S100Z: variants seen among roughly 807,000 people sequenced by gnomAD.
S100Z encodes the protein protein S100-Z.
In S100Z, 11 loss-of-function variants were observed where a neutral mutation model predicts 8.5. The observed-to-expected ratio is 1.30, with a 90% CI of 0.82 to 2.15. The LOEUF (loss-of-function observed/expected upper bound fraction) is 2.15, where lower values mean the gene tolerates loss of function less well. Among genes scored for constraint, S100Z ranks in the 30% most tolerant of loss-of-function variants. S100Z has a pLI of 0.00. For missense variants in S100Z, 126 were observed against 117.9 expected (o/e 1.07, Z -0.32); for synonymous variants, 34 against 43.8 (o/e 0.78, Z 0.89).
At chr5:76,939,715 G>T in the S100Z span, among the ~76,000 whole-genome samples, 1 of 151,146 alleles carries the variant, frequency 6.6e-6, no homozygotes. Flanking sequence ...GTTACACAAT[G>T]TTGGCTAGGC....
intron 4 of S100Z, among the ~76,000 whole-genome samples, chr5:76,882,366 C>T (rs532722643): frequency 1.3e-4 from 20 of 152,172 alleles, no homozygotes; most frequent in Non-Finnish European, 2.6e-4. Flanking sequence ...CACAGCCCTG[C>T]ACTTTGGCTG....
At chr5:76,947,084 G>A in the S100Z span, among the ~76,000 whole-genome samples, 1 of 152,212 alleles carries the variant, frequency 6.6e-6, no homozygotes, top group South Asian at 2.1e-4. Context: ...GTAAAACTTA[G>A]AATTGTTGGT....
At chr5:76,938,215 A>C in the S100Z span, among the ~76,000 whole-genome samples, 7 of 152,058 alleles carry the variant, frequency 4.6e-5, no homozygotes, top group Non-Finnish European at 1.0e-4. Flanking sequence ...TCTTGGCTTC[A>C]CTCTTTCCTC....
chr5:76,890,190 A>T (rs1743808380), intron 4 of S100Z, among the ~76,000 whole-genome samples: 1 of 151,950 alleles, frequency 6.6e-6, no homozygotes, highest in Non-Finnish European at 1.5e-5. Context: ...TGCCTGGCTA[A>T]TTTTTATATT....
At chr5:76,943,521 G>C in the S100Z span, among the ~76,000 whole-genome samples, 3 of 152,220 alleles carry the variant, frequency 2.0e-5, no homozygotes, top group Admixed American at 6.5e-5. Flanking sequence ...TCCAGGGCTG[G>C]ATGTCTTCCT....
intron 4 of S100Z, among the ~76,000 whole-genome samples, chr5:76,900,832 A>T (rs1238180687): frequency 6.6e-6 from 1 of 151,954 alleles, no homozygotes; most frequent in African/African-American, 2.4e-5. Context: ...GGTATTTATC[A>T]TGGTCTTCAC....
At chr5:76,884,884 G>A (rs1164154743) in intron 4 of S100Z, among the ~76,000 whole-genome samples, 1 of 152,136 alleles carries the variant, frequency 6.6e-6, no homozygotes, top group East Asian at 1.9e-4. Context: ...AGAGCTTGGG[G>A]TGGAGACTGA....
intron 2 of S100Z, among the ~76,000 whole-genome samples, chr5:76,872,141 G>A (rs936004223): frequency 6.6e-6 from 1 of 152,184 alleles, no homozygotes; most frequent in Admixed American, 6.5e-5. Flanking sequence ...CAGCTATTCA[G>A]GAAACTGAAG....
At chr5:76,860,827 C>T (rs1420514390) in intron 1 of S100Z, among the ~76,000 whole-genome samples, 1 of 152,162 alleles carries the variant, frequency 6.6e-6, no homozygotes, top group Non-Finnish European at 1.5e-5. Flanking sequence ...ACAGCGCCTT[C>T]TCCTGTAAGA....
intron 4 of S100Z, among the ~76,000 whole-genome samples, chr5:76,892,047 C>T (rs892421640): frequency 4.6e-5 from 7 of 152,188 alleles, no homozygotes; most frequent in African/African-American, 1.7e-4. Context: ...TAAGAACCTG[C>T]ACTTACAGCA....
chr5:76,866,679 G>A (rs1019006861), intron 1 of S100Z, among the ~76,000 whole-genome samples: 1 of 152,156 alleles, frequency 6.6e-6, no homozygotes, highest in South Asian at 2.1e-4. Context: ...GTTATATGCT[G>A]TACAGGTTTA....
At chr5:76,853,796 T>TAA (rs769640944) in intron 1 of S100Z, among the ~76,000 whole-genome samples, 120 of 138,240 alleles carry the variant, frequency 8.7e-4, no homozygotes, top group African/African-American at 2.6e-3. Context: ...GACTCCATCT[T>TAA]AAAAAAAAAA....
chr5:76,850,522 C>A (rs1182712320), intron 1 of S100Z, among the ~76,000 whole-genome samples: 1 of 152,182 alleles, frequency 6.6e-6, no homozygotes, highest in Non-Finnish European at 1.5e-5. Context: ...CTTGTCCAGG[C>A]CAAAGACCCA....
At chr5:76,932,041 C>T in the S100Z span, among the ~76,000 whole-genome samples, 1 of 151,988 alleles carries the variant, frequency 6.6e-6, no homozygotes. Flanking sequence ...ACAAAAACTT[C>T]CCAATATATC....
At chr5:76,927,346 G>A in the S100Z span, among the ~76,000 whole-genome samples, 1 of 152,068 alleles carries the variant, frequency 6.6e-6, no homozygotes, top group Non-Finnish European at 1.5e-5. Flanking sequence ...GCCCCTTTTT[G>A]AGGTTCCAGG....
chr5:76,906,183 T>C (rs938947700), intron 4 of S100Z, among the ~76,000 whole-genome samples: 33 of 152,224 alleles, frequency 2.2e-4, no homozygotes, highest in African/African-American at 7.5e-4. Flanking sequence ...ATTGACAAAA[T>C]TGTACATATA....
chr5:76,892,654 GA>G (rs1182452819), intron 4 of S100Z, among the ~76,000 whole-genome samples: 1 of 149,920 alleles, frequency 6.7e-6, no homozygotes, highest in African/African-American at 2.4e-5. Context: ...AAAGAAGAAA[GA>G]AAAAAAAAGG....
At chr5:76,856,893 C>G (rs1579989993) in intron 1 of S100Z, among the ~76,000 whole-genome samples, 1 of 152,106 alleles carries the variant, frequency 6.6e-6, no homozygotes, top group African/African-American at 2.4e-5. Flanking sequence ...CTATGTAGAG[C>G]TCTGGAGAAG....
chr5:76,909,061 G>T (rs560759639), intron 4 of S100Z, among the ~76,000 whole-genome samples: 1 of 152,116 alleles, frequency 6.6e-6, no homozygotes, highest in South Asian at 2.1e-4. Flanking sequence ...CAACTATTCC[G>T]ATCAGCAGGG....
Sources: gnomAD v4.1 joint callset for allele counts (sites outside exome capture counted in the v4.1 genomes callset) on GRCh38, gnomAD v4.1.1 for gene constraint, MANE v1.5 for transcripts, NCBI Gene and HGNC (gene_info 2026-07-23, HGNC 2026-07-21) for gene names.